SYAP1: variants seen among roughly 807,000 people sequenced by gnomAD.
SYAP1 encodes synapse associated protein 1, also known as synapse-associated protein 1.
SYAP1 carries 3 observed loss-of-function variants against 29.6 expected under a neutral mutation model. The observed-to-expected ratio is 0.10, with a 90% CI of 0.05 to 0.26. SYAP1 has a LOEUF of 0.26. Ranked by LOEUF, SYAP1 falls within the 10% of genes least tolerant of loss-of-function variation. SYAP1 has a pLI of 1.00. For synonymous variants in SYAP1, 102 were observed against 102.7 expected, an observed-to-expected ratio of 0.99 and a Z score of 0.04; for missense variants, 217 against 264.1, an observed-to-expected ratio of 0.82 and a Z score of 1.24.
At chrX:16,759,475 G>A (rs1469647982) in intron 8 of SYAP1, among the ~76,000 whole-genome samples, 2 of 111,929 alleles carry the variant, frequency 1.8e-5, no homozygotes, top group African/African-American at 6.5e-5. Flanking sequence ...TACACACACA[G>A]AGGTATATTG....
Position 16,735,274 on chromosome X carries a change from T to A in SYAP1, c.223T>A (p.Ser75Thr). 3 of 1,201,479 alleles carry A rather than the reference T, an allele frequency of 2.5e-6. No individual in the cohort carries two copies. The highest frequency in any genetic ancestry group is 3.4e-6 in the Non-Finnish European group (3 of 891,483). Reference protein sequence around the residue: ...ASAATKKITESVAETAQTIKK... With the variant: ...ASAATKKITETVAETAQTIKK... Reference sequence around the variant, plus strand: ...TGCTGCCACAAAAAAGATAACTGAATCAGTTGCTGAAACAGCACAAACAAT... The same window carrying A: ...TGCTGCCACAAAAAAGATAACTGAAACAGTTGCTGAAACAGCACAAACAAT... The change falls in exon 2 of 9, where the codon TCA (serine) becomes ACA (threonine). Residue 75 changes from serine (S) to threonine (T), a missense_variant. Physicochemically the swap from Ser to Thr is moderately conservative, Grantham distance 58 (BLOSUM62 1). Transcript: ENST00000380155.
At chrX:16,726,559 G>A (rs768831756) in intron 1 of SYAP1, among the ~76,000 whole-genome samples, 13 of 111,886 alleles carry the variant, frequency 1.2e-4, no homozygotes, top group African/African-American at 3.9e-4. Flanking sequence ...CACTCAGTCA[G>A]TACTGAAACA....
At chrX:16,740,596 G>A (rs760753947) in intron 3 of SYAP1, among the ~76,000 whole-genome samples, 3 of 110,842 alleles carry the variant, frequency 2.7e-5, no homozygotes, top group Non-Finnish European at 5.7e-5. Context: ...TACCTAAATT[G>A]CTCTAGCTTT....
At chrX:16,733,497 A>G (rs1414008972) in intron 1 of SYAP1, among the ~76,000 whole-genome samples, 1 of 110,961 alleles carries the variant, frequency 9.0e-6, no homozygotes, top group Admixed American at 9.7e-5. Context: ...AGGTGTAAGT[A>G]AGAGAGGCAA....
At chrX:16,750,315 A>G (rs988828103) in intron 5 of SYAP1, among the ~76,000 whole-genome samples, 1 of 111,906 alleles carries the variant, frequency 8.9e-6, no homozygotes, top group African/African-American at 3.2e-5. Context: ...ATGAATTGCT[A>G]TGAAGCCCAA....
Position 16,719,935 on chromosome X carries a change from G to A in SYAP1, c.175+36G>A, listed in dbSNP as rs780632634. On this transcript the variant is annotated intron_variant, in intron 1 of 8. Coordinates refer to ENST00000380155, the MANE Select transcript of SYAP1 (RefSeq NM_032796.4). ...CCTGGCTCTGGGACCGGGAAGGGGGGGGCGCATTCCTCCTCTGGGACGGCC... is the reference window on the plus strand; with the variant it reads ...CCTGGCTCTGGGACCGGGAAGGGGGAGGCGCATTCCTCCTCTGGGACGGCC... 4 of 1,152,765 alleles carry A rather than the reference G, an allele frequency of 3.5e-6. No individual in the cohort carries two copies. The African/African-American group carries it at 7.2e-5, about 21-fold the overall frequency.
intron 1 of SYAP1, among the ~76,000 whole-genome samples, chrX:16,734,251 C>T (rs1210274895): frequency 9.2e-6 from 1 of 108,622 alleles, no homozygotes; most frequent in African/African-American, 3.3e-5. Flanking sequence ...TGGTGGCGGG[C>T]GCCTGTAATC....
chrX:16,724,838 G>A (rs138139884), intron 1 of SYAP1, among the ~76,000 whole-genome samples: 3 of 112,155 alleles, frequency 2.7e-5, no homozygotes, highest in East Asian at 5.6e-4. Context: ...TAAGCTTCAC[G>A]GGACTCTCAG....
chrX:16,742,210 G>T (rs964681887), intron 4 of SYAP1, among the ~76,000 whole-genome samples: 11 of 95,654 alleles, frequency 1.1e-4, no homozygotes, highest in African/African-American at 4.5e-4. Context: ...GGAGCGCAGT[G>T]GCACGATCTC....
At chrX:16,750,872 A>G (rs1351387470) in intron 5 of SYAP1, among the ~76,000 whole-genome samples, 1 of 105,292 alleles carries the variant, frequency 9.5e-6, no homozygotes, top group Non-Finnish European at 1.9e-5. Flanking sequence ...AGTTCAAGCG[A>G]TTCTCCTGCA....
chrX:16,747,655 A>G, intron 5 of SYAP1, among the ~76,000 whole-genome samples: 1 of 113,015 alleles, frequency 8.8e-6, no homozygotes, highest in South Asian at 3.6e-4. Flanking sequence ...GGTATTTGGC[A>G]ATTAGTGTTT....
intron 5 of SYAP1, among the ~76,000 whole-genome samples, chrX:16,753,306 C>T (rs1020387302): frequency 2.7e-5 from 3 of 109,244 alleles, no homozygotes; most frequent in East Asian, 2.9e-4. Context: ...CTCAGCCACC[C>T]GGGAGGCTGA....
intron 6 of SYAP1, 97 bp downstream of exon 6, chrX:16,755,190 T>A (rs1926816016): frequency 1.1e-6 from 1 of 906,720 alleles, no homozygotes; most frequent in Non-Finnish European, 1.5e-6. Flanking sequence ...TGTCATTGCC[T>A]TAGGGAAAAA....
Position 16,739,569 on chromosome X carries a change from CG to C in SYAP1, c.362-2144del, listed in dbSNP as rs1213523750. ...TCAGCTCACTGCAACCTCTGCCCCCCGGGTTCAAGCAATTCTCCTGTTTCGG... is the reference window on the plus strand; with the variant it reads ...TCAGCTCACTGCAACCTCTGCCCCCCGGTTCAAGCAATTCTCCTGTTTCGG... On this transcript the variant is annotated intron_variant, in intron 3 of 8. Coordinates refer to ENST00000380155, the MANE Select transcript of SYAP1 (RefSeq NM_032796.4). Among the ~76,000 whole-genome samples the C allele has an allele frequency of 2.5e-4, 27 of 106,536 alleles. 2 individuals are homozygous for C. In the Admixed American group the frequency reaches 2.5e-3, roughly 10 times the overall value. The allele number at this position is 106,536 out of a possible 115,157, so 92.5% of individuals were successfully genotyped here.
At chrX:16,748,847 CG>C (rs1295248730) in intron 5 of SYAP1, among the ~76,000 whole-genome samples, 1 of 108,808 alleles carries the variant, frequency 9.2e-6, no homozygotes, top group Admixed American at 9.9e-5. Flanking sequence ...CTCCACCTCC[CG>C]GGTTCTAGCG....
chrX:16,755,161 C>T, intron 6 of SYAP1, 68 bp downstream of exon 6: 3 of 1,053,045 alleles, frequency 2.8e-6, no homozygotes, highest in Non-Finnish European at 3.9e-6. Flanking sequence ...TGAGCTTGAC[C>T]TCTTATACGT....
intron 2 of SYAP1, among the ~76,000 whole-genome samples, chrX:16,735,814 G>A (rs773085911): frequency 5.4e-5 from 6 of 111,668 alleles, no homozygotes; most frequent in Admixed American, 2.9e-4. Context: ...TAGTATAGAC[G>A]GGGTTTCACC....
At chrX:16,744,348 G>A (rs922465822) in intron 5 of SYAP1, among the ~76,000 whole-genome samples, 2 of 112,548 alleles carry the variant, frequency 1.8e-5, no homozygotes, top group African/African-American at 6.4e-5. Context: ...CTTCCCCGCT[G>A]CTGCTTCCCT....
intron 4 of SYAP1, among the ~76,000 whole-genome samples, chrX:16,742,824 A>G (rs1926498734): frequency 9.1e-6 from 1 of 109,331 alleles, no homozygotes. Flanking sequence ...TATGTTTCCC[A>G]GGCTGGTCTC....
Sources: gnomAD v4.1 joint callset for allele counts (sites outside exome capture counted in the v4.1 genomes callset) on GRCh38, gnomAD v4.1.1 for gene constraint, MANE v1.5 for transcripts, NCBI Gene and HGNC (gene_info 2026-07-23, HGNC 2026-07-21) for gene names.